RBPJ: variants seen among roughly 807,000 people sequenced by gnomAD.
RBPJ encodes recombination signal binding protein for immunoglobulin kappa J region.
In RBPJ, 9 loss-of-function variants were observed where a neutral mutation model predicts 67.8. That is an observed-to-expected ratio of 0.13 (90% confidence interval 0.08 to 0.23). The LOEUF (loss-of-function observed/expected upper bound fraction) is 0.23. Among genes scored for constraint, RBPJ ranks in the 10% least tolerant of loss-of-function variants. The pLI is 1.00. For synonymous variants in RBPJ, 198 were observed against 203.3 expected (o/e 0.97, Z 0.22); for missense variants, 305 against 595.6 (o/e 0.51, Z 5.08).
At chr4:26,346,195 G>A (rs1726120371) in intron 1 of RBPJ, among the ~76,000 whole-genome samples, 1 of 152,170 alleles carries the variant, frequency 6.6e-6, no homozygotes, top group Admixed American at 6.5e-5. Flanking sequence ...GTTCAGGAGT[G>A]GAGGTTTAAT....
At chr4:26,399,311 T>C (rs546412521) in intron 2 of RBPJ, among the ~76,000 whole-genome samples, 1 of 152,366 alleles carries the variant, frequency 6.6e-6, no homozygotes, top group South Asian at 2.1e-4. Flanking sequence ...TTCTTGACTA[T>C]TCTGTAATAT....
intron 1 of RBPJ, among the ~76,000 whole-genome samples, chr4:26,228,169 G>C (rs1482413512): frequency 6.6e-6 from 1 of 152,198 alleles, no homozygotes. Context: ...CTGCCACAGG[G>C]GTTTATTTGT....
intron 1 of RBPJ, among the ~76,000 whole-genome samples, chr4:26,230,324 C>T (rs1719234270): frequency 6.6e-6 from 1 of 152,158 alleles, no homozygotes; most frequent in Non-Finnish European, 1.5e-5. Flanking sequence ...TCGGTTTTAA[C>T]TTACACACTC....
chr4:26,198,026 G>C lies in RBPJ; in HGVS notation c.-167+34412G>C, dbSNP rs138686113. On this transcript the variant is annotated intron_variant, in intron 1 of 4. Transcript: ENST00000512351. Reference sequence around the variant, plus strand: ...TAATCCCAGCACTTTGGGAGGCCGAGGGGGGTGGATCACCTGAGGTCAGGA... The same window carrying C: ...TAATCCCAGCACTTTGGGAGGCCGACGGGGGTGGATCACCTGAGGTCAGGA... 2.8e-3 allele frequency among the ~76,000 whole-genome samples: 430 copies of C among 152,148 alleles called. 4 individuals carry two copies. The highest frequency in any genetic ancestry group is 0.014 in the Middle Eastern group (4 of 294).
chr4:26,120,635 G>C, the RBPJ span, among the ~76,000 whole-genome samples: 1 of 147,630 alleles, frequency 6.8e-6, no homozygotes, highest in Non-Finnish European at 1.5e-5. Context: ...TTGTTTCAAA[G>C]TTCTGGCTCA....
At chr4:26,309,464 G>A (rs1288329542) in intron 1 of RBPJ, among the ~76,000 whole-genome samples, 7 of 152,164 alleles carry the variant, frequency 4.6e-5, no homozygotes, top group African/African-American at 1.7e-4. Flanking sequence ...TATGTACCCA[G>A]TTATTTTATG....
At chr4:26,403,738 ATAT>A (rs2109732992) in intron 2 of RBPJ, among the ~76,000 whole-genome samples, 1 of 152,178 alleles carries the variant, frequency 6.6e-6, no homozygotes, top group Non-Finnish European at 1.5e-5. Flanking sequence ...TGGCTGCATA[ATAT>A]TCGGTGGTGT....
chr4:26,331,414 C>G (rs1425770079), intron 1 of RBPJ, among the ~76,000 whole-genome samples: 1 of 151,538 alleles, frequency 6.6e-6, no homozygotes, highest in Non-Finnish European at 1.5e-5. Flanking sequence ...CCATACCTTT[C>G]TATTTATCTC....
At chr4:26,349,093 C>CGCGCGCGCGCGCGT (rs113326244) in intron 1 of RBPJ, among the ~76,000 whole-genome samples, 252 of 150,854 alleles carry the variant, frequency 1.7e-3, no homozygotes, top group Admixed American at 3.7e-3. Context: ...TGTGTGCGCG[C>CGCGCGCGCGCGCGT]GCGCACGCAC....
intron 1 of RBPJ, among the ~76,000 whole-genome samples, chr4:26,300,699 C>T (rs1040840600): frequency 1.3e-5 from 2 of 152,164 alleles, no homozygotes; most frequent in African/African-American, 4.8e-5. Context: ...TCTCTATACT[C>T]GAATACTTGA....
At chr4:26,420,822 A>T in intron 5 of RBPJ, 97 bp downstream of exon 5, 1 of 921,404 alleles carries the variant, frequency 1.1e-6, no homozygotes, top group Non-Finnish European at 1.6e-6. Context: ...TAGCCAATTA[A>T]TTCTTTACTA....
At chr4:26,337,767 G>A (rs1367568948) in intron 1 of RBPJ, among the ~76,000 whole-genome samples, 2 of 144,314 alleles carry the variant, frequency 1.4e-5, no homozygotes, top group African/African-American at 5.2e-5. Context: ...GCTCACTGCA[G>A]CCTCAACTTC....
At chr4:26,204,140 G>A (rs971967560) in intron 1 of RBPJ, among the ~76,000 whole-genome samples, 2 of 151,980 alleles carry the variant, frequency 1.3e-5, no homozygotes, top group Non-Finnish European at 2.9e-5. Context: ...GGATGGGGGG[G>A]TCTCACCATG....
intron 1 of RBPJ, among the ~76,000 whole-genome samples, chr4:26,310,141 A>C (rs915586231): frequency 6.6e-6 from 1 of 152,220 alleles, no homozygotes; most frequent in Non-Finnish European, 1.5e-5. Context: ...AAAACGGTGA[A>C]TATTTATTTT....
At chr4:26,161,439 A>G (rs1716075936), upstream of RBPJ, among the ~76,000 whole-genome samples, 1 of 152,244 alleles carries the variant, frequency 6.6e-6, no homozygotes, top group African/African-American at 2.4e-5. Flanking sequence ...GCAGCCCCTG[A>G]AAGACTAGGG....
At chr4:26,316,458 C>CAT (rs1223425084), upstream of RBPJ, among the ~76,000 whole-genome samples, 133 of 129,190 alleles carry the variant, frequency 1.0e-3, 1 homozygote, top group African/African-American at 2.8e-3. Context: ...TTCATATATA[C>CAT]ATTCATATAT....
At chr4:26,344,320 T>C (rs1316216118) in intron 1 of RBPJ, among the ~76,000 whole-genome samples, 1 of 152,172 alleles carries the variant, frequency 6.6e-6, no homozygotes, top group African/African-American at 2.4e-5. Context: ...CTGCAAGCTC[T>C]GCCTCCCGGG....
chr4:26,116,950 C>T, the RBPJ span, among the ~76,000 whole-genome samples: 1 of 152,120 alleles, frequency 6.6e-6, no homozygotes, highest in Non-Finnish European at 1.5e-5. Flanking sequence ...TTGTGTAAGC[C>T]CAGGTCTAGA....
chr4:26,421,181 G>A (rs1261650887), intron 5 of RBPJ, among the ~76,000 whole-genome samples: 3 of 152,202 alleles, frequency 2.0e-5, no homozygotes, highest in Non-Finnish European at 4.4e-5. Context: ...AATTTTTAAT[G>A]TGGTTGCTCT....
Sources: gnomAD v4.1 joint callset for allele counts (sites outside exome capture counted in the v4.1 genomes callset) on GRCh38, gnomAD v4.1.1 for gene constraint, MANE v1.5 for transcripts, NCBI Gene and HGNC (gene_info 2026-07-23, HGNC 2026-07-21) for gene names.